Variants in BICC1 observed in about 807,000 individuals in gnomAD.
BICC1 encodes protein bicaudal C homolog 1.
Under a neutral mutation model 111.0 loss-of-function variants are expected in BICC1, and 43 were observed. That is an observed-to-expected ratio of 0.39 (90% confidence interval 0.30 to 0.50). The LOEUF is 0.50. Ranked by LOEUF, BICC1 falls within the 20% of genes least tolerant of loss-of-function variation. The probability of loss-of-function intolerance (pLI) is 0.88; values close to 1 mark genes in which losing one functional copy is unlikely to be tolerated. For synonymous variants in BICC1, 467 were observed against 434.4 expected, an observed-to-expected ratio of 1.07 and a Z score of -0.93; for missense variants, 1,091 against 1,203.2, an observed-to-expected ratio of 0.91 and a Z score of 1.38.
intron 1 of BICC1, among the ~76,000 whole-genome samples, chr10:58,610,427 T>C (rs904749496): frequency 1.3e-5 from 2 of 152,186 alleles, no homozygotes; most frequent in Non-Finnish European, 2.9e-5. Flanking sequence ...GGAGCAGCAG[T>C]GGTCCCCACT....
intron 2 of BICC1, among the ~76,000 whole-genome samples, chr10:58,670,559 A>T (rs959650777): frequency 6.6e-6 from 1 of 152,152 alleles, no homozygotes; most frequent in African/African-American, 2.4e-5. Context: ...ACATGGGAGG[A>T]GTCAGGGACA....
At chr10:58,558,845 T>A (rs941422103) in intron 1 of BICC1, among the ~76,000 whole-genome samples, 7 of 152,070 alleles carry the variant, frequency 4.6e-5, no homozygotes, top group Non-Finnish European at 8.8e-5. Context: ...CATCCTCACA[T>A]AATGGAAAGG....
At chr10:58,739,935 C>T (rs1589085785) in intron 3 of BICC1, among the ~76,000 whole-genome samples, 1 of 152,154 alleles carries the variant, frequency 6.6e-6, no homozygotes, top group East Asian at 1.9e-4. Flanking sequence ...ATAGAGAAGT[C>T]ATCTAATCTG....
In BICC1 at chr10:58,692,922, A is replaced by G. The variant is rs371552116; in HGVS notation, c.238-9152A>G. 5.3e-5 allele frequency among the ~76,000 whole-genome samples: 8 copies of G among 152,096 alleles called. No homozygotes were observed. The South Asian group carries it at 1.2e-3, about 24-fold the overall frequency. ...CATGTGCACAACGTGCAGGTTTGTT[A>G]CATATGTATACATGTGGCATATTGG... On this transcript the variant is annotated intron_variant, in intron 2 of 20. Coordinates refer to ENST00000373886, the MANE Select transcript of BICC1 (RefSeq NM_001080512.3).
chr10:58,579,787 G>A (rs1474034744), intron 1 of BICC1, among the ~76,000 whole-genome samples: 1 of 152,184 alleles, frequency 6.6e-6, no homozygotes, highest in Admixed American at 6.5e-5. Context: ...CATAAAGGGA[G>A]TATGATTAGA....
chr10:58,824,716 A>G (rs1844347299), intron 20 of BICC1, among the ~76,000 whole-genome samples: 1 of 152,198 alleles, frequency 6.6e-6, no homozygotes, highest in Non-Finnish European at 1.5e-5. Flanking sequence ...TATAAGGTGA[A>G]TCACTGCTCT....
At chr10:58,770,931 C>T (rs996273843) in intron 3 of BICC1, among the ~76,000 whole-genome samples, 2 of 152,120 alleles carry the variant, frequency 1.3e-5, no homozygotes, top group East Asian at 1.9e-4. Context: ...TAACTATTGT[C>T]GTAATCCTTC....
At chr10:58,560,242 T>G (rs1589098347) in intron 1 of BICC1, among the ~76,000 whole-genome samples, 1 of 152,212 alleles carries the variant, frequency 6.6e-6, no homozygotes, top group African/African-American at 2.4e-5. Context: ...ATCTCCTTAC[T>G]CATTATTAGT....
chr10:58,683,554 C>T (rs530523429), intron 2 of BICC1, among the ~76,000 whole-genome samples: 8 of 152,268 alleles, frequency 5.3e-5, no homozygotes, highest in East Asian at 1.9e-4. Flanking sequence ...TCTTTTATTT[C>T]GTTGAGCAGT....
intron 3 of BICC1, among the ~76,000 whole-genome samples, chr10:58,763,117 T>A (rs1389793469): frequency 6.6e-6 from 1 of 152,240 alleles, no homozygotes; most frequent in Non-Finnish European, 1.5e-5. Flanking sequence ...AATTCTCAGA[T>A]GTAGTTCTGT....
intron 2 of BICC1, among the ~76,000 whole-genome samples, chr10:58,694,590 G>C (rs1840014423): frequency 6.6e-6 from 1 of 152,138 alleles, no homozygotes; most frequent in East Asian, 1.9e-4. Flanking sequence ...TTGACATTTT[G>C]AGTGGATTTG....
chr10:58,747,421 A>G (rs1489539643), intron 3 of BICC1, among the ~76,000 whole-genome samples: 1 of 152,200 alleles, frequency 6.6e-6, no homozygotes, highest in Admixed American at 6.6e-5. Flanking sequence ...AGAGATAAGT[A>G]TGCAGAAATA....
At chr10:58,722,522 A>C (rs902838996) in intron 3 of BICC1, among the ~76,000 whole-genome samples, 7 of 152,240 alleles carry the variant, frequency 4.6e-5, no homozygotes, top group African/African-American at 1.4e-4. Flanking sequence ...AAATAATAAA[A>C]CATTTGAATT....
chr10:58,546,436 C>A (rs2131898588), intron 1 of BICC1, among the ~76,000 whole-genome samples: 1 of 152,312 alleles, frequency 6.6e-6, no homozygotes, highest in African/African-American at 2.4e-5. Context: ...TACAAGCAGT[C>A]TCCCAATTTT....
chr10:58,523,226 C>G (rs914707343), intron 1 of BICC1, among the ~76,000 whole-genome samples: 1 of 152,128 alleles, frequency 6.6e-6, no homozygotes, highest in Non-Finnish European at 1.5e-5. Context: ...CATCCTGATA[C>G]CAAAGCCTGG....
At chr10:58,701,772 G>GA (rs1225286384) in intron 2 of BICC1, among the ~76,000 whole-genome samples, 3 of 152,158 alleles carry the variant, frequency 2.0e-5, no homozygotes, top group Non-Finnish European at 2.9e-5. Context: ...CTGGCATCAA[G>GA]TTGGGTTAAT....
At position 58,566,958 on chromosome 10, in the gene BICC1, A is replaced by T. The variant is rs180745209; in HGVS notation, c.190+53625A>T. ...ATATTTAGGCCACTTACTCTCTGACATTATAAGTATACAGCACAGTTGAAA... is the reference window on the plus strand; with the variant it reads ...ATATTTAGGCCACTTACTCTCTGACTTTATAAGTATACAGCACAGTTGAAA... On this transcript the variant is annotated intron_variant, in intron 1 of 20. Transcript: ENST00000373886. Among the ~76,000 whole-genome samples the T allele has an allele frequency of 1.3e-4, 20 of 152,294 alleles. No individual in the cohort carries two copies. The East Asian group carries it at 2.9e-3, about 22-fold the overall frequency.
At chr10:58,773,711 G>A (rs536114631) in intron 3 of BICC1, among the ~76,000 whole-genome samples, 2 of 152,358 alleles carry the variant, frequency 1.3e-5, no homozygotes, top group African/African-American at 4.8e-5. Flanking sequence ...GGCAAATGGC[G>A]CATAACCAGG....
At chr10:58,700,044 C>G (rs1840184212) in intron 2 of BICC1, among the ~76,000 whole-genome samples, 1 of 152,152 alleles carries the variant, frequency 6.6e-6, no homozygotes, top group Middle Eastern at 3.2e-3. Flanking sequence ...GGGGAAAATT[C>G]TGAAACTAGT....
Sources: gnomAD v4.1 joint callset for allele counts (sites outside exome capture counted in the v4.1 genomes callset) on GRCh38, gnomAD v4.1.1 for gene constraint, MANE v1.5 for transcripts, NCBI Gene and HGNC (gene_info 2026-07-23, HGNC 2026-07-21) for gene names.